DISP1: variants seen among roughly 807,000 people sequenced by gnomAD.
The protein encoded by DISP1 is protein dispatched homolog 1.
DISP1 carries 30 observed loss-of-function variants against 37.3 expected under a neutral mutation model. The ratio of observed to expected loss-of-function variants is 0.80; its 90% CI spans 0.60 to 1.09. DISP1 has a LOEUF of 1.09. DISP1 is among the 50% of genes least tolerant of loss of function. The probability of loss-of-function intolerance (pLI) is 0.00; values close to 1 mark genes in which losing one functional copy is unlikely to be tolerated. For synonymous variants in DISP1, 634 were observed against 690.2 expected (o/e 0.92, Z 1.28); for missense variants, 1,598 against 1,879.5 (o/e 0.85, Z 2.77).
chr1:222,880,721 G>A (rs574085583), intron 1 of DISP1, among the ~76,000 whole-genome samples: 15 of 152,222 alleles, frequency 9.9e-5, no homozygotes, highest in African/African-American at 3.6e-4. Context: ...GATTTCCTGT[G>A]TGGCGAGAGA....
chr1:222,912,752 T>C (rs1672279602), intron 1 of DISP1, among the ~76,000 whole-genome samples: 1 of 152,336 alleles, frequency 6.6e-6, no homozygotes, highest in Middle Eastern at 3.4e-3. Context: ...CAGGCCTTAT[T>C]AGCCAGCAGA....
chr1:222,994,813 A>G, intron 7 of DISP1, 72 bp from the exon 8 acceptor site: 1 of 1,161,950 alleles, frequency 8.6e-7, no homozygotes, highest in Non-Finnish European at 1.3e-6. Flanking sequence ...ATTATTTCCA[A>G]ATCCTGAGTC....
chr1:222,983,230 A>G, intron 4 of DISP1, 121 bp downstream of exon 4: 1 of 838,594 alleles, frequency 1.2e-6, no homozygotes, highest in South Asian at 1.5e-5. Flanking sequence ...TTATGAAAGA[A>G]AAAGAAATGT....
At chr1:222,979,712 C>T in intron 3 of DISP1, 1 of 469,034 alleles carries the variant, frequency 2.1e-6, no homozygotes, top group South Asian at 1.6e-5. Flanking sequence ...GCTAAGCCCT[C>T]ACCAGCTCAC....
At chr1:222,954,325 T>C (rs950503093) in intron 3 of DISP1, among the ~76,000 whole-genome samples, 14 of 152,232 alleles carry the variant, frequency 9.2e-5, no homozygotes, top group African/African-American at 3.4e-4. Flanking sequence ...AAATTGACAC[T>C]ACAAAATTGT....
chr1:222,920,846 T>G (rs1672772222), intron 1 of DISP1, among the ~76,000 whole-genome samples: 1 of 152,150 alleles, frequency 6.6e-6, no homozygotes, highest in African/African-American at 2.4e-5. Flanking sequence ...AAATTAATAT[T>G]AAGTAAATTT....
chr1:222,956,689 G>C (rs1675622550), intron 3 of DISP1, among the ~76,000 whole-genome samples: 2 of 151,932 alleles, frequency 1.3e-5, no homozygotes, highest in Non-Finnish European at 2.9e-5. Flanking sequence ...AATTCTCACT[G>C]AGCAACATCA....
chr1:222,876,235 G>A (rs1321556905), intron 1 of DISP1, among the ~76,000 whole-genome samples: 1 of 152,146 alleles, frequency 6.6e-6, no homozygotes, highest in African/African-American at 2.4e-5. Context: ...ATTGTGTGTG[G>A]TGAGGTATGG....
At chr1:222,953,671 T>C (rs1260780461) in intron 3 of DISP1, among the ~76,000 whole-genome samples, 1 of 152,212 alleles carries the variant, frequency 6.6e-6, no homozygotes, top group Non-Finnish European at 1.5e-5. Context: ...CTTAAAGTAG[T>C]CAAATTAACT....
chr1:222,819,204 G>A (rs1662086561), intron 1 of DISP1, among the ~76,000 whole-genome samples: 1 of 152,064 alleles, frequency 6.6e-6, no homozygotes, highest in African/African-American at 2.4e-5. Flanking sequence ...TTTCCTCTTC[G>A]CCTTCTGCAA....
At chr1:222,980,410 AGTGTGTGTGTGTGTGT>A (rs3028495) in intron 3 of DISP1, among the ~76,000 whole-genome samples, 1 of 148,056 alleles carries the variant, frequency 6.8e-6, no homozygotes, top group Admixed American at 6.8e-5. Context: ...GATGTAACAA[AGTGTGTGTGTGTGTGT>A]GTGTGTGTGT....
intron 3 of DISP1, among the ~76,000 whole-genome samples, chr1:222,944,596 T>G (rs9651261): frequency 6.6e-6 from 1 of 151,978 alleles, no homozygotes; most frequent in Non-Finnish European, 1.5e-5. Context: ...GTAGAACATT[T>G]CTGTCACCCC....
intron 1 of DISP1, among the ~76,000 whole-genome samples, chr1:222,841,498 G>T (rs1296634712): frequency 2.0e-5 from 3 of 152,038 alleles, no homozygotes; most frequent in African/African-American, 7.2e-5. Context: ...CTCATGTCTG[G>T]GTTCCAAAGT....
At chr1:222,983,398 C>A (rs1194068245) in intron 4 of DISP1, among the ~76,000 whole-genome samples, 2 of 151,980 alleles carry the variant, frequency 1.3e-5, no homozygotes, top group African/African-American at 4.8e-5. Flanking sequence ...GGGTGGATCA[C>A]CTGAGGTCGG....
At chr1:222,939,866 C>T (rs995758093) in intron 2 of DISP1, among the ~76,000 whole-genome samples, 1 of 151,768 alleles carries the variant, frequency 6.6e-6, no homozygotes, top group Admixed American at 6.6e-5. Context: ...TGGCTCACGC[C>T]TGTAATCCCA....
At position 222,963,913 on chromosome 1, in the gene DISP1, A is replaced by C. The variant is rs1205774324; in HGVS notation, c.510-19167A>C. Among the ~76,000 whole-genome samples, 4 of 152,160 alleles carry C rather than the reference A, an allele frequency of 2.6e-5. No individual in the cohort carries two copies. The East Asian group carries it at 5.8e-4, about 22-fold the overall frequency. Reference sequence around the variant, plus strand: ...AAATTTTAAAGAAGAGAAAAAAATAAAGCGTTATAAAACTTAGAAGAATTC... The same window carrying C: ...AAATTTTAAAGAAGAGAAAAAAATACAGCGTTATAAAACTTAGAAGAATTC... On this transcript the variant is annotated intron_variant, in intron 3 of 8. Coordinates refer to ENST00000675850, the MANE Select transcript of DISP1 (RefSeq NM_001377229.1).
chr1:222,925,414 G>A (rs1558332543), intron 1 of DISP1, among the ~76,000 whole-genome samples: 1 of 152,076 alleles, frequency 6.6e-6, no homozygotes, highest in East Asian at 1.9e-4. Context: ...CTGTTCAGAT[G>A]ATCAAAGAGT....
chr1:222,887,986 C>G (rs1454721536), intron 1 of DISP1, among the ~76,000 whole-genome samples: 1 of 152,088 alleles, frequency 6.6e-6, no homozygotes, highest in Non-Finnish European at 1.5e-5. Flanking sequence ...GGTTGGGACC[C>G]TTTTGGGTTC....
intron 2 of DISP1, among the ~76,000 whole-genome samples, chr1:222,937,796 C>CTTTTT (rs10714424): frequency 4.4e-4 from 25 of 56,470 alleles, no homozygotes; most frequent in East Asian, 8.9e-4. Flanking sequence ...AATAGCTTGC[C>CTTTTT]TTTTTTTTTT....
Sources: gnomAD v4.1 joint callset for allele counts (sites outside exome capture counted in the v4.1 genomes callset) on GRCh38, gnomAD v4.1.1 for gene constraint, MANE v1.5 for transcripts, NCBI Gene and HGNC (gene_info 2026-07-23, HGNC 2026-07-21) for gene names.